The following PARM1 variants were observed in gnomAD, a reference collection of about 807,000 sequenced individuals.
The protein encoded by PARM1 is WSC4, cell wall integrity and stress response component 4 homolog.
Under a neutral mutation model 24.6 loss-of-function variants are expected in PARM1, and 14 were observed. The observed-to-expected ratio is 0.57, with a 90% CI of 0.38 to 0.89. PARM1 has a LOEUF of 0.89. PARM1 is among the 40% of genes least tolerant of loss of function. The probability of loss-of-function intolerance (pLI) is 0.00; values close to 1 mark genes in which losing one functional copy is unlikely to be tolerated. For synonymous variants in PARM1, 179 were observed against 156.6 expected, an observed-to-expected ratio of 1.14 and a Z score of -1.07; for missense variants, 362 against 380.4, an observed-to-expected ratio of 0.95 and a Z score of 0.40.
intron 1 of PARM1, among the ~76,000 whole-genome samples, chr4:74,941,177 T>G (rs1721301451): frequency 6.6e-6 from 1 of 152,208 alleles, no homozygotes. Flanking sequence ...TGTTTTATCT[T>G]AAAAATTACA....
intron 1 of PARM1, among the ~76,000 whole-genome samples, chr4:74,972,584 A>G (rs952251142): frequency 1.3e-5 from 2 of 152,202 alleles, no homozygotes; most frequent in Admixed American, 6.5e-5. Flanking sequence ...GAGTTTTGAC[A>G]TTCTGCTGTA....
At chr4:75,031,858 C>G (rs1345075312) in intron 2 of PARM1, among the ~76,000 whole-genome samples, 1 of 152,182 alleles carries the variant, frequency 6.6e-6, no homozygotes, top group Non-Finnish European at 1.5e-5. Flanking sequence ...CTCCCATCAC[C>G]TTACCCTATG....
Position 75,042,292 on chromosome 4 carries a change from G to A in PARM1, c.849-3871G>A, listed in dbSNP as rs550487729. 1.6e-3 allele frequency among the ~76,000 whole-genome samples: 244 copies of A among 152,244 alleles called. 1 individual carries two copies. Among genetic ancestry groups the A allele is most frequent in the African/African-American group, 4.7e-3 (195 of 41,546 alleles). Reference sequence around the variant, plus strand: ...CCCTCAAGAAGTTTACCATCTAAGCGGAGCCAAGACACAGCAAAGAGAAAA... The same window carrying A: ...CCCTCAAGAAGTTTACCATCTAAGCAGAGCCAAGACACAGCAAAGAGAAAA... On this transcript the variant is annotated intron_variant, in intron 3 of 3. Coordinates refer to ENST00000307428, the MANE Select transcript of PARM1 (RefSeq NM_015393.4).
chr4:75,026,117 T>C (rs758927469), intron 2 of PARM1, among the ~76,000 whole-genome samples: 10 of 152,256 alleles, frequency 6.6e-5, no homozygotes, highest in Non-Finnish European at 1.3e-4. Context: ...TTCTGTAGCA[T>C]ACTTTTATGC....
chr4:75,002,569 G>A (rs1722702137), intron 1 of PARM1, among the ~76,000 whole-genome samples: 1 of 152,150 alleles, frequency 6.6e-6, no homozygotes. Context: ...GTGAGGATAG[G>A]AAGGAATGAA....
chr4:74,947,933 C>T (rs1470607292), intron 1 of PARM1, among the ~76,000 whole-genome samples: 15 of 152,182 alleles, frequency 9.9e-5, no homozygotes, highest in Admixed American at 6.5e-4. Flanking sequence ...GGAGGTGCCT[C>T]TTATCATGGT....
intron 1 of PARM1, among the ~76,000 whole-genome samples, chr4:74,961,255 G>A (rs923040869): frequency 2.0e-5 from 3 of 152,020 alleles, no homozygotes; most frequent in Admixed American, 2.0e-4. Flanking sequence ...GTCAATTCTG[G>A]AGAAAACAGA....
In PARM1 at chr4:75,046,509, T is replaced by C. The variant is rs1723606518; in HGVS notation, c.*262T>C. The C allele has an allele frequency of 2.9e-6, 1 of 348,206 alleles. No individual in the cohort carries two copies. Among genetic ancestry groups the C allele is most frequent in the East Asian group, 6.0e-5 (1 of 16,588 alleles). The allele number at this position is 348,206 out of a possible 1,614,324, so 21.6% of individuals were successfully genotyped here. A position where few individuals can be genotyped will look rare whatever the true frequency, so the allele number is the denominator to read the frequency against. On this transcript the variant is annotated 3_prime_UTR_variant, in exon 4 of 4. Coordinates refer to ENST00000307428, the MANE Select transcript of PARM1 (RefSeq NM_015393.4). ...TTGCACCAGCCAGGCCAGACCACCATGGTGAAGGCTTCTTTCCCCACTGCA... is the reference window on the plus strand; with the variant it reads ...TTGCACCAGCCAGGCCAGACCACCACGGTGAAGGCTTCTTTCCCCACTGCA...
chr4:74,966,667 G>A (rs1030048529), intron 1 of PARM1: 1 of 152,304 alleles, frequency 6.6e-6, no homozygotes, highest in Non-Finnish European at 1.5e-5. Flanking sequence ...CAGTCAAGGA[G>A]AGGGTCTTTG....
At chr4:75,041,190 T>C (rs1036911230) in intron 3 of PARM1, among the ~76,000 whole-genome samples, 1 of 151,952 alleles carries the variant, frequency 6.6e-6, no homozygotes, top group Non-Finnish European at 1.5e-5. Flanking sequence ...AAGTTTTCAA[T>C]GAATACTTAA....
At chr4:75,045,516 CTG>C (rs1236980229) in intron 3 of PARM1, among the ~76,000 whole-genome samples, 1 of 152,196 alleles carries the variant, frequency 6.6e-6, no homozygotes, top group East Asian at 1.9e-4. Flanking sequence ...TAATGAGACT[CTG>C]AGAACTTGTG....
At chr4:75,006,648 G>A (rs1722775135) in intron 1 of PARM1, among the ~76,000 whole-genome samples, 1 of 152,100 alleles carries the variant, frequency 6.6e-6, no homozygotes, top group Admixed American at 6.5e-5. Flanking sequence ...AATCCTTTGG[G>A]TACATACCCA....
intron 1 of PARM1, among the ~76,000 whole-genome samples, chr4:74,961,680 C>A (rs530434907): frequency 1.3e-5 from 2 of 152,124 alleles, no homozygotes; most frequent in Non-Finnish European, 2.9e-5. Context: ...TGAAAGAAAA[C>A]ACACAAACAA....
intron 1 of PARM1, among the ~76,000 whole-genome samples, chr4:74,985,148 A>G (rs180876375): frequency 3.3e-4 from 50 of 152,304 alleles, no homozygotes; most frequent in Admixed American, 8.5e-4. Flanking sequence ...CATCCCACAT[A>G]ACACAAAGGG....
chr4:75,048,427 A>C lies in PARM1; in HGVS notation c.*2180A>C, dbSNP rs911380869. ...CCTTCTGGCCGTGCTTGGCTTGAGT[A>C]ACTGTCTCTCTTTCCCCACCCCCAT... On this transcript the variant is annotated 3_prime_UTR_variant, in exon 4 of 4. Coordinates refer to ENST00000307428, the MANE Select transcript of PARM1 (RefSeq NM_015393.4). 1.3e-5 allele frequency: 2 copies of C among 152,210 alleles called. No homozygotes were observed. The highest frequency in any genetic ancestry group is 2.9e-5 in the Non-Finnish European group (2 of 68,028). 9.4% of individuals were successfully genotyped at this position (152,210 alleles called of 1,614,324 possible).
chr4:74,946,870 T>C (rs531788712), intron 1 of PARM1, among the ~76,000 whole-genome samples: 2 of 152,350 alleles, frequency 1.3e-5, no homozygotes, highest in East Asian at 1.9e-4. Flanking sequence ...ACACATTATT[T>C]TGAAAACATA....
At chr4:75,008,446 T>C (rs2109791576) in intron 1 of PARM1, among the ~76,000 whole-genome samples, 1 of 152,330 alleles carries the variant, frequency 6.6e-6, no homozygotes, top group East Asian at 1.9e-4. Flanking sequence ...CTGTAATGAT[T>C]TCTATGGTAC....
In PARM1 at chr4:74,983,916, C is replaced by G. The variant is rs530899962; in HGVS notation, c.44-28509C>G. On this transcript the variant is annotated intron_variant, in intron 1 of 3. Coordinates refer to ENST00000307428, the MANE Select transcript of PARM1 (RefSeq NM_015393.4). ...GCTACGTTGCCAGGCTGGACTTGAA[C>G]TCCTGGGCTCCAGTGATCGATTGCT... Among the ~76,000 whole-genome samples the G allele has an allele frequency of 3.9e-5, 6 of 152,258 alleles. No homozygotes were observed. In the South Asian group the frequency reaches 6.2e-4, roughly 16 times the overall value.
chr4:75,039,734 T>G (rs2109813702), intron 3 of PARM1, among the ~76,000 whole-genome samples: 1 of 152,236 alleles, frequency 6.6e-6, no homozygotes, highest in East Asian at 1.9e-4. Flanking sequence ...TTTCTAACAC[T>G]CCAAACACAC....
Sources: allele counts gnomAD v4.1 joint callset (sites outside exome capture counted in the v4.1 genomes callset), GRCh38; gene constraint gnomAD v4.1.1; transcripts MANE v1.5; gene names NCBI Gene and HGNC (gene_info 2026-07-23, HGNC 2026-07-21).